APMAP: variants seen among roughly 807,000 people sequenced by gnomAD.
The protein encoded by APMAP is adipocyte plasma membrane associated protein.
APMAP carries 33 observed loss-of-function variants against 43.6 expected under a neutral mutation model. The ratio of observed to expected loss-of-function variants is 0.76; its 90% confidence interval spans 0.57 to 1.01. The LOEUF (loss-of-function observed/expected upper bound fraction) is 1.01. APMAP is among the 50% of genes least tolerant of loss of function. The pLI is 0.00. For missense variants in APMAP, 498 were observed against 540.7 expected (o/e 0.92, Z 0.78); for synonymous variants, 224 against 216.7 (o/e 1.03, Z -0.30).
intron 8 of APMAP, among the ~76,000 whole-genome samples, chr20:24,966,038 G>A (rs2087939781): frequency 1.3e-5 from 2 of 152,176 alleles, no homozygotes; most frequent in Non-Finnish European, 2.9e-5. Context: ...TTGTCCCTTA[G>A]GGACCTGGGA....
intron 2 of APMAP, among the ~76,000 whole-genome samples, chr20:24,980,571 C>T (rs1400600157): frequency 6.6e-6 from 1 of 151,492 alleles, no homozygotes; most frequent in Non-Finnish European, 1.5e-5. Flanking sequence ...AGCAGACCTA[C>T]CAGCTTCGCT....
At chr20:24,978,175 C>T (rs2088067171) in intron 3 of APMAP, among the ~76,000 whole-genome samples, 1 of 152,212 alleles carries the variant, frequency 6.6e-6, no homozygotes. Context: ...CTTCCCAATA[C>T]TAAACTTAAT....
chr20:24,970,988 A>C (rs1421437879), intron 5 of APMAP, among the ~76,000 whole-genome samples: 1 of 152,202 alleles, frequency 6.6e-6, no homozygotes, highest in Admixed American at 6.5e-5. Flanking sequence ...CCCAGCAGGA[A>C]CCTCCACTGA....
Position 24,964,005 on chromosome 20 carries a change from C to G in APMAP, c.1059G>C (p.Thr353=). 2 of 1,614,202 alleles carry G rather than the reference C, an allele frequency of 1.2e-6. No homozygotes were observed. Among genetic ancestry groups the G allele is most frequent in the Non-Finnish European group, 1.7e-6 (2 of 1,180,030 alleles). The change falls in exon 9 of 9, where the codon ACG becomes ACC. Residue 353 remains threonine (T), a synonymous_variant. Coordinates refer to ENST00000217456, the MANE Select transcript of APMAP (RefSeq NM_020531.3). ...RMIFKLFSQE[T]VMKFVPRYSL... The stretch of plus-strand genomic sequence containing the variant: ...TGTACCGCGGCACAAACTTCATCAC[C>G]GTCTCTTGACTAAAGAGCTAGAGGG...
intron 1 of APMAP, 39 bp downstream of exon 1, chr20:24,992,555 C>A (rs1464566094): frequency 2.1e-6 from 3 of 1,444,514 alleles, no homozygotes; most frequent in African/African-American, 1.5e-5. Context: ...CCACTCCTAG[C>A]GGCCCGGCTC....
chr20:24,992,661 G>A lies in APMAP; in HGVS notation c.28C>T (p.Arg10Cys). The A allele has an allele frequency of 6.4e-7, 1 of 1,552,930 alleles. No individual in the cohort carries two copies. Among genetic ancestry groups the A allele is most frequent in the Non-Finnish European group, 8.7e-7 (1 of 1,151,760 alleles). The change falls in exon 1 of 9, where the codon CGC becomes TGC. Residue 10 changes from arginine to cysteine, a missense_variant. Transcript: ENST00000217456. MSEADGLRQ[R>C]RPLRPQVVTD... Reference sequence around the variant, plus strand: ...ACGACCTGCGGCCGCAGGGGCCGGCGCTGTCGCAGCCCGTCCGCCTCGCTC... The same window carrying A: ...ACGACCTGCGGCCGCAGGGGCCGGCACTGTCGCAGCCCGTCCGCCTCGCTC...
chr20:24,964,636 C>T (rs1179502063), intron 8 of APMAP, among the ~76,000 whole-genome samples: 2 of 152,110 alleles, frequency 1.3e-5, no homozygotes, highest in Non-Finnish European at 2.9e-5. Context: ...TCTGTGGTCA[C>T]ACGGGACTGT....
chr20:24,970,898 C>A (rs1426549024), intron 5 of APMAP, among the ~76,000 whole-genome samples: 1 of 152,136 alleles, frequency 6.6e-6, no homozygotes, highest in Non-Finnish European at 1.5e-5. Flanking sequence ...CAGCTGGTGG[C>A]CAGCAGAGTG....
intron 8 of APMAP, chr20:24,964,419 G>A (rs1015829115): frequency 8.4e-6 from 4 of 477,278 alleles, no homozygotes; most frequent in Admixed American, 4.8e-5. Flanking sequence ...CAAGTCTTCT[G>A]TTTAGATTTA....
At chr20:24,968,688 A>C (rs2087968508) in intron 8 of APMAP, among the ~76,000 whole-genome samples, 1 of 152,178 alleles carries the variant, frequency 6.6e-6, no homozygotes, top group African/African-American at 2.4e-5. Context: ...GACAATAAAA[A>C]CACCCAGAAA....
intron 2 of APMAP, among the ~76,000 whole-genome samples, chr20:24,981,537 C>G (rs553082524): frequency 1.8e-4 from 27 of 152,310 alleles, no homozygotes; most frequent in African/African-American, 6.3e-4. Flanking sequence ...AGCGGGTCTC[C>G]TGTTGGCCCT....
At chr20:24,991,006 G>C (rs1211789426) in intron 1 of APMAP, among the ~76,000 whole-genome samples, 1 of 152,224 alleles carries the variant, frequency 6.6e-6, no homozygotes, top group Admixed American at 6.5e-5. Context: ...GATGACTTTA[G>C]AATCAGATTT....
In APMAP at chr20:24,978,752, C is replaced by A; in HGVS notation, c.328+15G>T. The A allele has an allele frequency of 6.7e-7, 1 of 1,488,850 alleles. No individual in the cohort carries two copies. The allele number at this position is 1,488,850 out of a possible 1,614,324, so 92.2% of individuals were successfully genotyped here. A position where few individuals can be genotyped will look rare whatever the true frequency, so the allele number is the denominator to read the frequency against. On this transcript the variant is annotated intron_variant, in intron 3 of 8. Transcript: ENST00000217456. ...CAGCCTGGAAGGCTCCCCCCCCACC[C>A]AAGCTTAGACTTACCCCCAATATGT...
Position 24,966,606 on chromosome 20 carries a change from T to C in APMAP, c.1041+2286A>G, listed in dbSNP as rs116068892. On this transcript the variant is annotated intron_variant, in intron 8 of 8. Transcript: ENST00000217456. ...AACAAACCCTACTGGAGGGACATTC[T>C]GGGACACAGCTGACCTGTACGCTTT... is the stretch of plus-strand genomic sequence containing the variant. Among the ~76,000 whole-genome samples, 619 of 152,290 alleles carry C rather than the reference T, an allele frequency of 4.1e-3. 4 individuals are homozygous for C. Among genetic ancestry groups the C allele is most frequent in the African/African-American group, 0.015 (603 of 41,564 alleles).
intron 1 of APMAP, among the ~76,000 whole-genome samples, chr20:24,985,269 G>A (rs6050233): frequency 0.09 from 13,668 of 152,232 alleles, 699 homozygotes; most frequent in Middle Eastern, 0.12. Flanking sequence ...AACGAATAAA[G>A]CAGAAAAGAA....
chr20:24,985,601 T>G (rs1476642892), intron 1 of APMAP, among the ~76,000 whole-genome samples: 1 of 152,170 alleles, frequency 6.6e-6, no homozygotes, highest in Non-Finnish European at 1.5e-5. Context: ...CCATAAAAAT[T>G]AACAGTTTTC....
In APMAP at chr20:24,984,165, C is replaced by T. The variant is rs1333432667; in HGVS notation, c.96-146G>A. On this transcript the variant is annotated intron_variant, in intron 1 of 8. Coordinates refer to ENST00000217456, the MANE Select transcript of APMAP (RefSeq NM_020531.3). Reference sequence around the variant, plus strand: ...GGCCGACCTCTGGCTTGTGATTAAACTCTAGCACTATTTGCTAGGATTGGC... The same window carrying T: ...GGCCGACCTCTGGCTTGTGATTAAATTCTAGCACTATTTGCTAGGATTGGC... The T allele has an allele frequency of 1.2e-5, 7 of 590,756 alleles. No homozygotes were observed. The Admixed American group carries it at 1.9e-4, about 16-fold the overall frequency. The allele number at this position is 590,756 out of a possible 1,614,324, so 36.6% of individuals were successfully genotyped here.
In APMAP at chr20:24,963,786, C is replaced by T. The variant is rs759669997; in HGVS notation, c.*27G>A. ...CCTGAGTGTGAAGACTCCTGGCCTGCGTGGCAGGGGCAGCTATCTGGGAGG... is the reference window on the plus strand; with the variant it reads ...CCTGAGTGTGAAGACTCCTGGCCTGTGTGGCAGGGGCAGCTATCTGGGAGG... On this transcript the variant is annotated 3_prime_UTR_variant, in exon 9 of 9. Coordinates refer to ENST00000217456, the MANE Select transcript of APMAP (RefSeq NM_020531.3). The T allele has an allele frequency of 1.4e-5, 22 of 1,608,530 alleles. No individual in the cohort carries two copies. Among genetic ancestry groups the T allele is most frequent in the East Asian group, 2.2e-5 (1 of 44,810 alleles).
chr20:24,990,008 T>G (rs552877240), intron 1 of APMAP, among the ~76,000 whole-genome samples: 126 of 152,254 alleles, frequency 8.3e-4, no homozygotes, highest in Non-Finnish European at 1.6e-3. Flanking sequence ...ATGTATTTAT[T>G]CTGCATCCCT....
Sources: allele counts gnomAD v4.1 joint callset (sites outside exome capture counted in the v4.1 genomes callset), GRCh38; gene constraint gnomAD v4.1.1; transcripts MANE v1.5; gene names NCBI Gene and HGNC (gene_info 2026-07-23, HGNC 2026-07-21).